PLCB4: variants seen among roughly 807,000 people sequenced by gnomAD.
PLCB4 encodes 1-phosphatidylinositol 4,5-bisphosphate phosphodiesterase beta-4.
A neutral mutation model predicts 178.8 loss-of-function variants in PLCB4; 77 were observed. That is an observed-to-expected ratio of 0.43 (90% CI 0.36 to 0.52). The LOEUF (loss-of-function observed/expected upper bound fraction) is 0.52, where lower values mean the gene tolerates loss of function less well. Among genes scored for constraint, PLCB4 ranks in the 20% least tolerant of loss-of-function variants. The pLI is 0.00. For synonymous variants in PLCB4, 496 were observed against 490.8 expected (o/e 1.01, Z -0.14); for missense variants, 1,024 against 1,453.4 (o/e 0.70, Z 4.80).
At chr20:9,272,730 A>G (rs895903515) in intron 3 of PLCB4, among the ~76,000 whole-genome samples, 10 of 151,984 alleles carry the variant, frequency 6.6e-5, no homozygotes, top group Admixed American at 5.2e-4. Flanking sequence ...ACGTGTGACA[A>G]ATTTCTTGGT....
At chr20:9,271,814 A>G (rs1465115138) in intron 3 of PLCB4, among the ~76,000 whole-genome samples, 1 of 152,044 alleles carries the variant, frequency 6.6e-6, no homozygotes, top group Non-Finnish European at 1.5e-5. Flanking sequence ...CAGACTAACT[A>G]TATCAGTTGG....
chr20:9,375,754 A>T (rs1022601311), intron 12 of PLCB4, among the ~76,000 whole-genome samples: 8 of 152,176 alleles, frequency 5.3e-5, no homozygotes, highest in African/African-American at 1.7e-4. Flanking sequence ...GTCTACTCTG[A>T]TATAAACAAT....
chr20:9,362,355 T>C (rs1351768725), intron 7 of PLCB4, among the ~76,000 whole-genome samples: 1 of 152,222 alleles, frequency 6.6e-6, no homozygotes, highest in African/African-American at 2.4e-5. Context: ...ACAGAAATTA[T>C]GTGAGCACAT....
At chr20:9,183,752 A>G (rs2093285355) in intron 2 of PLCB4, among the ~76,000 whole-genome samples, 1 of 152,182 alleles carries the variant, frequency 6.6e-6, no homozygotes, top group Admixed American at 6.5e-5. Context: ...GTTATTGAAA[A>G]ATATTATTTT....
At chr20:9,234,922 AGTTT>A (rs2093976724) in intron 3 of PLCB4, among the ~76,000 whole-genome samples, 1 of 152,188 alleles carries the variant, frequency 6.6e-6, no homozygotes, top group African/African-American at 2.4e-5. Flanking sequence ...AGTAAAGACC[AGTTT>A]GTTTGGCCAT....
chr20:9,216,066 T>C (rs1480271747), intron 2 of PLCB4, among the ~76,000 whole-genome samples: 2 of 152,208 alleles, frequency 1.3e-5, no homozygotes, highest in Non-Finnish European at 2.9e-5. Flanking sequence ...TCTCTATACA[T>C]AGATCGTGAC....
At chr20:9,157,496 G>A (rs992770923) in intron 2 of PLCB4, among the ~76,000 whole-genome samples, 3 of 152,100 alleles carry the variant, frequency 2.0e-5, no homozygotes, top group African/African-American at 7.2e-5. Flanking sequence ...ATTAAAAATT[G>A]GAACCTTTAA....
chr20:9,165,861 A>C (rs918484890), intron 2 of PLCB4, among the ~76,000 whole-genome samples: 1 of 151,248 alleles, frequency 6.6e-6, no homozygotes, highest in Non-Finnish European at 1.5e-5. Context: ...TGTAGAATTA[A>C]AATCCTCTTG....
chr20:9,442,979 T>G, intron 30 of PLCB4, among the ~76,000 whole-genome samples: 1 of 152,182 alleles, frequency 6.6e-6, no homozygotes, highest in East Asian at 1.9e-4. Context: ...GGAAATCAAT[T>G]ACAGCACAGA....
chr20:9,396,017 A>G (rs1017977843), intron 19 of PLCB4, among the ~76,000 whole-genome samples: 2 of 152,140 alleles, frequency 1.3e-5, no homozygotes, highest in African/African-American at 4.8e-5. Context: ...CTTTCAGAAG[A>G]CCCTTTTATA....
At chr20:9,137,150 C>T (rs1039591848) in intron 2 of PLCB4, among the ~76,000 whole-genome samples, 2 of 152,078 alleles carry the variant, frequency 1.3e-5, no homozygotes, top group African/African-American at 4.8e-5. Context: ...GCCTAGGACA[C>T]GTCATATTCC....
rs923310297 is a variant in PLCB4, at chr20:9,408,953, C to T, written c.1875-104C>T. On this transcript the variant is annotated intron_variant, in intron 23 of 39. Transcript: ENST00000378473. Reference sequence around the variant, plus strand: ...TGTGAAATCTGCTCTGTGCTGTCTACTTGTTTGTCATTGTTGGCCTAGACC... The same window carrying T: ...TGTGAAATCTGCTCTGTGCTGTCTATTTGTTTGTCATTGTTGGCCTAGACC... The T allele has an allele frequency of 5.0e-6, 5 of 1,008,688 alleles. No individual in the cohort carries two copies. The African/African-American group carries it at 8.2e-5, about 16-fold the overall frequency. 62.5% of individuals were successfully genotyped at this position (1,008,688 alleles called of 1,614,324 possible).
At chr20:9,427,792 G>C (rs1031471650) in intron 28 of PLCB4, among the ~76,000 whole-genome samples, 1 of 152,124 alleles carries the variant, frequency 6.6e-6, no homozygotes, top group Non-Finnish European at 1.5e-5. Context: ...TGATAGGGAG[G>C]GGAGCAAATA....
chr20:9,243,436 C>T (rs2094089027), intron 3 of PLCB4, among the ~76,000 whole-genome samples: 1 of 152,146 alleles, frequency 6.6e-6, no homozygotes, highest in South Asian at 2.1e-4. Flanking sequence ...CTGTGATTCT[C>T]AAAGGAGGTC....
chr20:9,242,859 A>G (rs1173195597), intron 3 of PLCB4, among the ~76,000 whole-genome samples: 1 of 152,162 alleles, frequency 6.6e-6, no homozygotes, highest in Admixed American at 6.6e-5. Context: ...CTGCGAGTTA[A>G]CAGCCCTCCC....
intron 17 of PLCB4, 136 bp downstream of exon 17, chr20:9,390,751 A>G (rs934004204): frequency 1.9e-6 from 1 of 539,004 alleles, no homozygotes; most frequent in Non-Finnish European, 3.3e-6. Context: ...GAAAGCTTAC[A>G]TCATGCTTCA....
rs528297635 is a variant in PLCB4 at position 9,387,367 on chromosome 20, T to C, written c.1065-96T>C. ...ACTTAATTTATTCAATTTTCTGTTC[T>C]GGAAGAAAACAACTTATTTTGATGT... On this transcript the variant is annotated intron_variant, in intron 14 of 39. Transcript: ENST00000378473. The C allele has an allele frequency of 1.4e-4, 91 of 639,454 alleles. No individual in the cohort carries two copies. In the African/African-American group the frequency reaches 1.6e-3, roughly 11 times the overall value. The allele number at this position is 639,454 out of a possible 1,614,324, so 39.6% of individuals were successfully genotyped here.
intron 2 of PLCB4, among the ~76,000 whole-genome samples, chr20:9,106,375 A>T (rs992587040): frequency 2.6e-5 from 4 of 151,980 alleles, no homozygotes; most frequent in Non-Finnish European, 5.9e-5. Context: ...TTCATAATTG[A>T]TGATGCTGTG....
intron 3 of PLCB4, among the ~76,000 whole-genome samples, chr20:9,273,753 A>C (rs572183106): frequency 1.2e-4 from 18 of 151,578 alleles, no homozygotes; most frequent in African/African-American, 3.6e-4. Flanking sequence ...TGCTCGAGCC[A>C]GAGTATGTAT....
Sources: gnomAD v4.1 joint callset for allele counts (sites outside exome capture counted in the v4.1 genomes callset) on GRCh38, gnomAD v4.1.1 for gene constraint, MANE v1.5 for transcripts, NCBI Gene and HGNC (gene_info 2026-07-23, HGNC 2026-07-21) for gene names.